The following USP31 variants were observed in gnomAD, a reference collection of about 807,000 sequenced individuals.
USP31 encodes ubiquitin carboxyl-terminal hydrolase 31.
USP31 carries 44 observed loss-of-function variants against 119.4 expected under a neutral mutation model. The observed-to-expected ratio is 0.37, with a 90% CI of 0.29 to 0.47. The LOEUF (loss-of-function observed/expected upper bound fraction) is 0.47. USP31 is among the 20% of genes least tolerant of loss of function. The probability of loss-of-function intolerance (pLI) is 0.99; values close to 1 mark genes in which losing one functional copy is unlikely to be tolerated. For missense variants in USP31, 1,643 were observed against 1,730.2 expected, an observed-to-expected ratio of 0.95 and a Z score of 0.89; for synonymous variants, 749 against 705.6, an observed-to-expected ratio of 1.06 and a Z score of -0.97.
rs374279393 is a variant in USP31 at position 23,067,386 on chromosome 16, T to C, written c.*660A>G. 6.6e-6 allele frequency: 1 copy of C among 152,628 alleles called. No individual in the cohort carries two copies. Among genetic ancestry groups the C allele is most frequent in the South Asian group, 2.1e-4 (1 of 4,828 alleles). 9.5% of individuals were successfully genotyped at this position (152,628 alleles called of 1,614,324 possible). A position where few individuals can be genotyped will look rare whatever the true frequency, so the allele number is the denominator to read the frequency against. On this transcript the variant is annotated 3_prime_UTR_variant, in exon 16 of 16. Transcript: ENST00000219689. ...CCTCGAAAATGTCTATCTGTGGCAG[T>C]AGGAGAAATGACACAGTCACCCACA...
chr16:23,117,751 C>CTTTTTTTTTTT (rs67615111), intron 1 of USP31, among the ~76,000 whole-genome samples: 14 of 141,602 alleles, frequency 9.9e-5, no homozygotes, highest in African/African-American at 2.0e-4. Flanking sequence ...TTTTCCTTTT[C>CTTTTTTTTTTT]TTTTTTTTTT....
In USP31 at chr16:23,090,912, T is replaced by C. The variant is rs190157091; in HGVS notation, c.1235-108A>G. On this transcript the variant is annotated intron_variant, in intron 6 of 15. Coordinates refer to ENST00000219689, the MANE Select transcript of USP31 (RefSeq NM_020718.4). ...AAAATTTTTTTTAAAAATGTCATTA[T>C]GTAAATTAAACTGCAATCAAAAAAA... 114 of 1,069,274 alleles carry C rather than the reference T, an allele frequency of 1.1e-4. No individual in the cohort carries two copies. In the African/African-American group the frequency reaches 1.6e-3, roughly 15 times the overall value. 66.2% of individuals were successfully genotyped at this position (1,069,274 alleles called of 1,614,324 possible). A position where few individuals can be genotyped will look rare whatever the true frequency, so the allele number is the denominator to read the frequency against.
intron 7 of USP31, among the ~76,000 whole-genome samples, chr16:23,088,587 A>C (rs1178004806): frequency 1.3e-5 from 2 of 152,126 alleles, no homozygotes; most frequent in Non-Finnish European, 2.9e-5. Flanking sequence ...TCACACATCC[A>C]TGTCTTTTTG....
intron 1 of USP31, among the ~76,000 whole-genome samples, chr16:23,133,512 A>G (rs1049522145): frequency 6.6e-6 from 1 of 152,166 alleles, no homozygotes; most frequent in African/African-American, 2.4e-5. Context: ...TGATTTTTAT[A>G]TGTTTTTAAA....
chr16:23,140,912 T>C (rs989624549), intron 1 of USP31, among the ~76,000 whole-genome samples: 1 of 152,222 alleles, frequency 6.6e-6, no homozygotes, highest in Non-Finnish European at 1.5e-5. Context: ...GTCAAGAGTC[T>C]ACCTCCAGAC....
rs766027012 is a variant in USP31 at position 23,149,135 on chromosome 16, G to A, written c.136C>T (p.Pro46Ser). 2 of 1,244,108 alleles carry A rather than the reference G, an allele frequency of 1.6e-6. No individual in the cohort carries two copies. Among genetic ancestry groups the A allele is most frequent in the Non-Finnish European group, 2.1e-6 (2 of 972,626 alleles). 77.1% of individuals were successfully genotyped at this position (1,244,108 alleles called of 1,614,324 possible). A position where few individuals can be genotyped will look rare whatever the true frequency, so the allele number is the denominator to read the frequency against. ...GGAGGPGASG[P>S]AAPSSPSSPS... ...GAGGAGGGCGAGGAAGGCGCGGCCG[G>A]CCCGGACGCCCCGGGGCCCCCCGCG... Residue 46 changes from proline (P) to serine (S), a missense_variant, in exon 1 of 16, where the codon CCG becomes TCG. This residue lies in a region of USP31 where 302 missense variants were observed against 262.6 expected (regional missense o/e 1.15). Coordinates refer to ENST00000219689, the MANE Select transcript of USP31 (RefSeq NM_020718.4).
chr16:23,087,288 A>G (rs1901152319), intron 8 of USP31, 102 bp from the exon 9 acceptor site: 1 of 946,816 alleles, frequency 1.1e-6, no homozygotes. Context: ...TAAACTGTTT[A>G]TTCTGCAAAA....
Position 23,065,393 on chromosome 16 carries a change from T to C in USP31, c.*2653A>G, listed in dbSNP as rs1428204653. 6.6e-6 allele frequency: 1 copy of C among 150,904 alleles called. No homozygotes were observed. Among genetic ancestry groups the C allele is most frequent in the Non-Finnish European group, 1.5e-5 (1 of 67,708 alleles). 9.3% of individuals were successfully genotyped at this position (150,904 alleles called of 1,614,324 possible). Reference sequence around the variant, plus strand: ...TCCCCAACCCTACCAATGAACTAAATTGAATCAAGTAACTACTTTCCCACA... The same window carrying C: ...TCCCCAACCCTACCAATGAACTAAACTGAATCAAGTAACTACTTTCCCACA... On this transcript the variant is annotated 3_prime_UTR_variant, in exon 16 of 16. Coordinates refer to ENST00000219689, the MANE Select transcript of USP31 (RefSeq NM_020718.4).
At chr16:23,114,207 T>C (rs549063084) in intron 1 of USP31, among the ~76,000 whole-genome samples, 1 of 151,564 alleles carries the variant, frequency 6.6e-6, no homozygotes, top group African/African-American at 2.4e-5. Flanking sequence ...GTAGGAGAGA[T>C]GGAAGAGAAG....
intron 13 of USP31, 51 bp downstream of exon 13, chr16:23,079,895 C>G: frequency 6.7e-7 from 1 of 1,482,286 alleles, no homozygotes; most frequent in Non-Finnish European, 9.0e-7. Context: ...CACAAGCAAA[C>G]CCGTCTGAAG....
intron 11 of USP31, 40 bp from the exon 12 acceptor site, chr16:23,082,597 T>G: frequency 6.2e-7 from 1 of 1,612,544 alleles, no homozygotes; most frequent in South Asian, 1.1e-5. Context: ...TGCCACTTAA[T>G]GCAAGACTGT....
rs888701830 is a variant in USP31, at chr16:23,070,479, T to C, written c.2489-863A>G. Among the ~76,000 whole-genome samples the C allele has an allele frequency of 2.6e-5, 4 of 152,122 alleles. No homozygotes were observed. The South Asian group carries it at 6.2e-4, about 24-fold the overall frequency. On this transcript the variant is annotated intron_variant, in intron 15 of 15. Coordinates refer to ENST00000219689, the MANE Select transcript of USP31 (RefSeq NM_020718.4). Reference sequence around the variant, plus strand: ...CTGTAATCCCAGCACTTTGGGAGGCTGAGGTGGGCAGATCACGATGTCAGG... The same window carrying C: ...CTGTAATCCCAGCACTTTGGGAGGCCGAGGTGGGCAGATCACGATGTCAGG...
At chr16:23,077,833 T>A (rs1900647229) in intron 13 of USP31, among the ~76,000 whole-genome samples, 1 of 152,092 alleles carries the variant, frequency 6.6e-6, no homozygotes, top group South Asian at 2.1e-4. Context: ...CTTAGCCCAA[T>A]GATTCCATTT....
intron 1 of USP31, among the ~76,000 whole-genome samples, chr16:23,146,190 T>C (rs1404399869): frequency 7.3e-6 from 1 of 137,032 alleles, no homozygotes; most frequent in African/African-American, 2.7e-5. Context: ...AGTTTACAAA[T>C]GCTGTGGCTA....
intron 1 of USP31, among the ~76,000 whole-genome samples, chr16:23,119,804 A>G (rs1386262083): frequency 6.6e-6 from 1 of 152,224 alleles, no homozygotes; most frequent in African/African-American, 2.4e-5. Context: ...GTCCTGCCCA[A>G]GTGTCCCAGG....
chr16:23,124,375 T>C (rs981225360), intron 1 of USP31, among the ~76,000 whole-genome samples: 2 of 152,138 alleles, frequency 1.3e-5, no homozygotes, highest in Admixed American at 1.3e-4. Flanking sequence ...AATAAGTAGT[T>C]ACCTCAGAAG....
intron 1 of USP31, among the ~76,000 whole-genome samples, chr16:23,148,389 C>T (rs1195092169): frequency 1.3e-5 from 2 of 152,188 alleles, no homozygotes; most frequent in Admixed American, 1.3e-4. Context: ...ACTCCCATTG[C>T]CTATTATCAC....
At position 23,063,327 on chromosome 16, in the gene USP31, AG is replaced by A. The variant is rs1450911888; in HGVS notation, c.*4718del. The A allele has an allele frequency of 1.3e-5, 2 of 152,384 alleles. No individual in the cohort carries two copies. Among genetic ancestry groups the A allele is most frequent in the East Asian group, 3.8e-4 (2 of 5,202 alleles). The allele number at this position is 152,384 out of a possible 1,614,324, so 9.4% of individuals were successfully genotyped here. A position where few individuals can be genotyped will look rare whatever the true frequency, so the allele number is the denominator to read the frequency against. Reference sequence around the variant, plus strand: ...CCATGGGCTTAGTCTAATTGTGATCAGTGGCTGGGAAGCCCCAAAGCTTTTC... The same window carrying A: ...CCATGGGCTTAGTCTAATTGTGATCATGGCTGGGAAGCCCCAAAGCTTTTC... On this transcript the variant is annotated 3_prime_UTR_variant, in exon 16 of 16. Transcript: ENST00000219689.
At chr16:23,115,954 G>A (rs903266863) in intron 1 of USP31, 3 of 193,170 alleles carry the variant, frequency 1.6e-5, no homozygotes, top group African/African-American at 7.1e-5. Context: ...CCAGGGAAAA[G>A]ATACTGACTG....
Sources: allele counts gnomAD v4.1 joint callset (sites outside exome capture counted in the v4.1 genomes callset), GRCh38; gene constraint gnomAD v4.1.1; regional missense constraint gnomAD v4.1.1; transcripts MANE v1.5; gene names NCBI Gene and HGNC (gene_info 2026-07-23, HGNC 2026-07-21).